ANKRD6: variants seen among roughly 807,000 people sequenced by gnomAD.
ANKRD6 encodes ankyrin repeat domain 6.
Under a neutral mutation model 82.3 loss-of-function variants are expected in ANKRD6, and 56 were observed. That is an observed-to-expected ratio of 0.68 (90% CI 0.55 to 0.85). The LOEUF is 0.85. Among genes scored for constraint, ANKRD6 ranks in the 40% least tolerant of loss-of-function variants. ANKRD6 has a pLI of 0.00. For missense variants in ANKRD6, 852 were observed against 907.6 expected, an observed-to-expected ratio of 0.94 and a Z score of 0.79; for synonymous variants, 347 against 352.1, an observed-to-expected ratio of 0.99 and a Z score of 0.16.
chr6:89,579,957 C>T (rs563175188), intron 2 of ANKRD6, among the ~76,000 whole-genome samples: 2 of 152,024 alleles, frequency 1.3e-5, no homozygotes, highest in African/African-American at 4.8e-5. Context: ...TCCGGACATA[C>T]TGGTATCTTC....
chr6:89,485,487 G>A (rs1777261261), intron 1 of ANKRD6, among the ~76,000 whole-genome samples: 1 of 152,210 alleles, frequency 6.6e-6, no homozygotes, highest in Non-Finnish European at 1.5e-5. Flanking sequence ...TCCTCAAAGG[G>A]AAGCAGTGGG....
At chr6:89,602,911 A>G (rs1303333534) in intron 3 of ANKRD6, 118 bp from the exon 4 acceptor site, 4 of 790,992 alleles carry the variant, frequency 5.1e-6, no homozygotes, top group Non-Finnish European at 6.1e-6. Context: ...TTCTGCGAAT[A>G]ACCGCTCTGC....
At chr6:89,462,695 A>G (rs756949525) in intron 1 of ANKRD6, among the ~76,000 whole-genome samples, 8 of 152,172 alleles carry the variant, frequency 5.3e-5, no homozygotes, top group African/African-American at 1.9e-4. Flanking sequence ...AACAAAGTCT[A>G]TTGCGTAAGA....
chr6:89,589,478 G>A (rs1261972177), intron 2 of ANKRD6, among the ~76,000 whole-genome samples: 1 of 152,146 alleles, frequency 6.6e-6, no homozygotes, highest in Non-Finnish European at 1.5e-5. Flanking sequence ...TTCCTTTCAG[G>A]GTTTCTTTTA....
intron 7 of ANKRD6, among the ~76,000 whole-genome samples, chr6:89,614,848 A>C (rs1461841351): frequency 3.4e-5 from 5 of 147,400 alleles, no homozygotes; most frequent in South Asian, 2.2e-4. Context: ...GAAAAAAAAA[A>C]AAACAAAAAA....
At chr6:89,471,066 T>G (rs1478089007) in intron 1 of ANKRD6, among the ~76,000 whole-genome samples, 1 of 152,092 alleles carries the variant, frequency 6.6e-6, no homozygotes, top group South Asian at 2.1e-4. Context: ...CACACACTTA[T>G]GTGTTTTCCT....
intron 1 of ANKRD6, among the ~76,000 whole-genome samples, chr6:89,469,252 G>A (rs1029411090): frequency 3.9e-5 from 6 of 152,142 alleles, no homozygotes; most frequent in African/African-American, 1.4e-4. Flanking sequence ...CTACCGTGAT[G>A]CCTTTCATAT....
intron 2 of ANKRD6, among the ~76,000 whole-genome samples, chr6:89,581,288 T>G (rs1792460474): frequency 6.6e-6 from 1 of 152,210 alleles, no homozygotes; most frequent in Non-Finnish European, 1.5e-5. Context: ...TATTGCACAG[T>G]ACGATTATGT....
chr6:89,579,940 C>T (rs1374537399), intron 2 of ANKRD6, among the ~76,000 whole-genome samples: 1 of 152,032 alleles, frequency 6.6e-6, no homozygotes, highest in Non-Finnish European at 1.5e-5. Context: ...ACTTCTGCTA[C>T]CTGATTTCCG....
intron 1 of ANKRD6, among the ~76,000 whole-genome samples, chr6:89,520,859 G>A (rs1781806006): frequency 6.6e-6 from 1 of 152,186 alleles, no homozygotes; most frequent in African/African-American, 2.4e-5. Context: ...CCCAGCATAT[G>A]CTCCTATAGT....
At chr6:89,542,809 C>T (rs1255188113) in intron 1 of ANKRD6, among the ~76,000 whole-genome samples, 2 of 152,230 alleles carry the variant, frequency 1.3e-5, no homozygotes, top group Non-Finnish European at 2.9e-5. Flanking sequence ...AATCACTTCA[C>T]TCCACAATCT....
At chr6:89,623,811 A>G (rs2128258666) in intron 11 of ANKRD6, 61 bp from the exon 12 acceptor site, 1 of 1,523,284 alleles carries the variant, frequency 6.6e-7, no homozygotes, top group South Asian at 1.3e-5. Context: ...GGCGCCACCG[A>G]CTGGTGTCAG....
rs144463834 is a variant in ANKRD6, at chr6:89,512,446, G to A, written c.-143-54388G>A. ...TGGGGCAAATCTAAGCCACCTCTTG[G>A]TTTTGGTCTCAGAACAATGAGTGTC... On this transcript the variant is annotated intron_variant, in intron 1 of 15. Coordinates refer to ENST00000339746, the MANE Select transcript of ANKRD6 (RefSeq NM_001242809.2). Among the ~76,000 whole-genome samples the A allele has an allele frequency of 1.6e-3, 243 of 152,294 alleles. 1 individual carries two copies. The highest frequency in any genetic ancestry group is 3.0e-3 in the Non-Finnish European group (202 of 68,024).
chr6:89,617,343 A>G lies in ANKRD6; in HGVS notation c.715-611A>G, dbSNP rs56323724. On this transcript the variant is annotated intron_variant, in intron 8 of 15. Transcript: ENST00000339746. ...TCTCCTCCTGCCTTCTTTTAGCTCTACAACCAGTACTGGGGGTGCAGTTCC... is the reference window on the plus strand; with the variant it reads ...TCTCCTCCTGCCTTCTTTTAGCTCTGCAACCAGTACTGGGGGTGCAGTTCC... Among the ~76,000 whole-genome samples, 869 of 152,186 alleles carry G rather than the reference A, an allele frequency of 5.7e-3. 10 individuals are homozygous for G. The highest frequency in any genetic ancestry group is 9.5e-3 in the Non-Finnish European group (648 of 67,994).
intron 2 of ANKRD6, among the ~76,000 whole-genome samples, chr6:89,589,592 T>C (rs931919806): frequency 7.2e-5 from 11 of 152,216 alleles, no homozygotes; most frequent in Non-Finnish European, 1.6e-4. Flanking sequence ...CAACTGGGAA[T>C]TGGCCTCTTC....
At chr6:89,547,888 T>C (rs769899131) in intron 1 of ANKRD6, among the ~76,000 whole-genome samples, 9 of 152,062 alleles carry the variant, frequency 5.9e-5, no homozygotes, top group Non-Finnish European at 8.8e-5. Context: ...ACAGTAACCA[T>C]ATCAATATTT....
In ANKRD6 at chr6:89,624,341, A is replaced by G. The variant is rs1804816411; in HGVS notation, c.1219-198A>G. On this transcript the variant is annotated intron_variant, in intron 12 of 15. Transcript: ENST00000339746. The stretch of plus-strand genomic sequence containing the variant: ...TAAAAGCACCTTGAGGAGAGGGACC[A>G]TATCTTACCCTCTGAATTTTAGTGT... 3.0e-5 allele frequency: 21 copies of G among 699,622 alleles called. No individual in the cohort carries two copies. In the South Asian group the frequency reaches 3.2e-4, roughly 11 times the overall value. 43.3% of individuals were successfully genotyped at this position (699,622 alleles called of 1,614,324 possible). A position where few individuals can be genotyped will look rare whatever the true frequency, so the allele number is the denominator to read the frequency against.
chr6:89,616,600 CAAG>C lies in ANKRD6; in HGVS notation c.661_663del (p.Lys221del). The C allele has an allele frequency of 6.2e-7, 1 of 1,614,044 alleles. No homozygotes were observed. Among genetic ancestry groups the C allele is most frequent in the Non-Finnish European group, 8.5e-7 (1 of 1,179,900 alleles). On this transcript the variant is annotated inframe_deletion, in exon 8 of 16. Coordinates refer to ENST00000339746, the MANE Select transcript of ANKRD6 (RefSeq NM_001242809.2). ...TTCACGTTGCTGCTGCCCTAAATCA[CAAG>C]AAGGTGGCCAAAATCTTACTGGAAG...
intron 1 of ANKRD6, among the ~76,000 whole-genome samples, chr6:89,504,434 C>T (rs768252669): frequency 5.3e-5 from 8 of 152,078 alleles, no homozygotes; most frequent in Non-Finnish European, 1.0e-4. Flanking sequence ...GACAGGGTCT[C>T]GCTCGGTTGC....
Sources: gnomAD v4.1 joint callset for allele counts (sites outside exome capture counted in the v4.1 genomes callset) on GRCh38, gnomAD v4.1.1 for gene constraint, MANE v1.5 for transcripts, NCBI Gene and HGNC (gene_info 2026-07-23, HGNC 2026-07-21) for gene names.